The following ZRANB1 variants were observed in gnomAD, a reference collection of about 807,000 sequenced individuals.
ZRANB1 encodes the protein zinc finger RANBP2-type containing 1.
ZRANB1 carries 16 observed loss-of-function variants against 80.5 expected under a neutral mutation model. The ratio of observed to expected loss-of-function variants is 0.20; its 90% CI spans 0.13 to 0.30. The LOEUF (loss-of-function observed/expected upper bound fraction) is 0.30. Ranked by LOEUF, ZRANB1 falls within the 10% of genes least tolerant of loss-of-function variation. The pLI is 1.00. For synonymous variants in ZRANB1, 291 were observed against 293.1 expected, an observed-to-expected ratio of 0.99 and a Z score of 0.07; for missense variants, 576 against 862.6, an observed-to-expected ratio of 0.67 and a Z score of 4.16.
At chr10:124,930,052 A>G in the ZRANB1 span, among the ~76,000 whole-genome samples, 1 of 151,944 alleles carries the variant, frequency 6.6e-6, no homozygotes, top group Admixed American at 6.6e-5. Context: ...ACTTAAGTTG[A>G]TGTTACATCA....
At chr10:124,937,429 A>C (rs1029865145), upstream of ZRANB1, among the ~76,000 whole-genome samples, 5 of 150,378 alleles carry the variant, frequency 3.3e-5, no homozygotes, top group African/African-American at 1.2e-4. Context: ...CAAGTGATCC[A>C]CCCGCCTCGG....
rs1952000344 is a variant in ZRANB1 at position 124,984,963 on chromosome 10, G to A, written c.2098G>A (p.Glu700Lys). The A allele has an allele frequency of 6.2e-7, 1 of 1,613,120 alleles. No homozygotes were observed. The highest frequency in any genetic ancestry group is 1.1e-5 in the South Asian group (1 of 91,010). Reference protein sequence around the residue: ...IRPCTSLSDGEEDEDDEDE With the variant: ...IRPCTSLSDGKEDEDDEDE ...GCCGTGTACATCCCTGTCTGATGGA[G>A]AGGAAGATGAGGATGATGAAGATGA... The change falls in exon 9 of 9, where the codon GAG (glutamate) becomes AAG (lysine). Residue 700 changes from glutamate to lysine, a missense_variant. By Grantham distance (56) the Glu-to-Lys change is moderately conservative (BLOSUM62 1). Around this residue, in one of 3 missense-constraint regions of ZRANB1, gnomAD observed 152 missense variants for 221.9 expected, o/e 0.69. Coordinates refer to ENST00000359653, the MANE Select transcript of ZRANB1 (RefSeq NM_017580.3).
chr10:124,978,480 A>G (rs746195468), intron 5 of ZRANB1, among the ~76,000 whole-genome samples: 5 of 152,288 alleles, frequency 3.3e-5, no homozygotes, highest in Middle Eastern at 3.4e-3. Flanking sequence ...TCTCTTGGAT[A>G]CCCGTGATTT....
intron 1 of ZRANB1, among the ~76,000 whole-genome samples, chr10:124,961,034 C>G (rs1951729051): frequency 6.6e-6 from 1 of 150,896 alleles, no homozygotes; most frequent in African/African-American, 2.4e-5. Context: ...GAGTTTCGCT[C>G]TTTGTTGTCC....
At chr10:124,928,598 AAT>A in the ZRANB1 span, among the ~76,000 whole-genome samples, 37 of 152,346 alleles carry the variant, frequency 2.4e-4, no homozygotes, top group East Asian at 6.6e-3. Context: ...GATTACATAA[AAT>A]ACTGTTGAAA....
chr10:124,926,202 A>G, the ZRANB1 span, among the ~76,000 whole-genome samples: 3 of 152,234 alleles, frequency 2.0e-5, no homozygotes, highest in Non-Finnish European at 4.4e-5. Context: ...ACATTACTAT[A>G]CACCACTGTA....
chr10:124,941,839 AG>A (rs1951538781), upstream of ZRANB1, among the ~76,000 whole-genome samples: 1 of 152,214 alleles, frequency 6.6e-6, no homozygotes. Context: ...CAGATTATCA[AG>A]GAACTACCTA....
chr10:124,961,150 C>T (rs535844170), intron 1 of ZRANB1, among the ~76,000 whole-genome samples: 157 of 152,058 alleles, frequency 1.0e-3, no homozygotes, highest in African/African-American at 3.4e-3. Context: ...GACAGGCGCA[C>T]GCCCCCACGC....
At chr10:124,922,326 G>C in the ZRANB1 span, among the ~76,000 whole-genome samples, 2 of 25,654 alleles carry the variant, frequency 7.8e-5, no homozygotes, top group African/African-American at 1.4e-4. Context: ...TAAAATATAT[G>C]TATATATATA....
intron 1 of ZRANB1, chr10:124,962,428 T>A: frequency 1.0e-6 from 1 of 984,400 alleles, no homozygotes; most frequent in Non-Finnish European, 1.2e-6. Context: ...GGCTTTTTTT[T>A]TACCATTTGG....
chr10:124,952,399 C>A (rs1237255007), intron 1 of ZRANB1, among the ~76,000 whole-genome samples: 1 of 152,120 alleles, frequency 6.6e-6, no homozygotes, highest in Non-Finnish European at 1.5e-5. Flanking sequence ...TGCCAGCAGC[C>A]TCTAGGAGAA....
At chr10:124,945,252 C>G (rs1462923479) in intron 1 of ZRANB1, 1 of 152,180 alleles carries the variant, frequency 6.6e-6, no homozygotes, top group Non-Finnish European at 1.5e-5. Context: ...CTACCCCTAC[C>G]CGCTAACCCT....
At chr10:124,921,614 A>C in the ZRANB1 span, among the ~76,000 whole-genome samples, 2 of 152,182 alleles carry the variant, frequency 1.3e-5, no homozygotes, top group Non-Finnish European at 2.9e-5. Flanking sequence ...GTTCAATAAA[A>C]TATTTTTCCC....
At chr10:124,923,450 T>C in the ZRANB1 span, among the ~76,000 whole-genome samples, 2 of 149,928 alleles carry the variant, frequency 1.3e-5, no homozygotes, top group South Asian at 4.2e-4. Context: ...AAAAATTAGC[T>C]GGGCGTGGTG....
At chr10:124,922,654 A>G in the ZRANB1 span, among the ~76,000 whole-genome samples, 15 of 150,704 alleles carry the variant, frequency 1.0e-4, no homozygotes, top group East Asian at 2.7e-3. Flanking sequence ...CACCATGCCC[A>G]GCTCATTTTT....
chr10:124,928,646 T>TA, the ZRANB1 span, among the ~76,000 whole-genome samples: 1 of 152,248 alleles, frequency 6.6e-6, no homozygotes, highest in South Asian at 2.1e-4. Flanking sequence ...TGTTCATTGT[T>TA]AAACGTATAC....
intron 1 of ZRANB1, among the ~76,000 whole-genome samples, chr10:124,957,025 A>G (rs544456085): frequency 2.3e-4 from 35 of 152,304 alleles, no homozygotes; most frequent in Non-Finnish European, 4.6e-4. Context: ...CACACAGTAT[A>G]ATTATCCAAG....
chr10:124,938,536 A>T (rs1191488646), upstream of ZRANB1, among the ~76,000 whole-genome samples: 4 of 151,916 alleles, frequency 2.6e-5, no homozygotes. Flanking sequence ...CATGTTGCCC[A>T]GGCTGGTCTC....
rs1314687542 is a variant in ZRANB1, at chr10:124,974,092, A to G, written c.1229-108A>G. ...CAATTTTATTTAGGTGTTTATTGGT[A>G]AATTACATATAAACCATTTTATAGC... On this transcript the variant is annotated intron_variant, in intron 4 of 8. Transcript: ENST00000359653. The G allele has an allele frequency of 4.6e-6, 5 of 1,089,366 alleles. No homozygotes were observed. In the African/African-American group the frequency reaches 4.8e-5, roughly 10 times the overall value. 67.5% of individuals were successfully genotyped at this position (1,089,366 alleles called of 1,614,324 possible).
Sources: allele counts gnomAD v4.1 joint callset (sites outside exome capture counted in the v4.1 genomes callset), GRCh38; gene constraint gnomAD v4.1.1; regional missense constraint gnomAD v4.1.1; transcripts MANE v1.5; gene names NCBI Gene and HGNC (gene_info 2026-07-23, HGNC 2026-07-21).